BRAF: variants seen among roughly 807,000 people sequenced by gnomAD.
The protein encoded by BRAF is B-Raf proto-oncogene, serine/threonine kinase, also known as serine/threonine-protein kinase B-raf.
Under a neutral mutation model 104.6 loss-of-function variants are expected in BRAF, and 16 were observed. The ratio of observed to expected loss-of-function variants is 0.15; its 90% CI spans 0.10 to 0.23. The LOEUF (loss-of-function observed/expected upper bound fraction) is 0.23. BRAF is among the 10% of genes least tolerant of loss of function. The pLI, the probability that BRAF is intolerant of heterozygous loss-of-function variation, is 1.00. For missense variants in BRAF, 541 were observed against 937.3 expected (o/e 0.58, Z 5.52); for synonymous variants, 310 against 341.6 (o/e 0.91, Z 1.02).
chr7:140,735,073 G>C (rs1796298153), intron 18 of BRAF, among the ~76,000 whole-genome samples: 1 of 152,102 alleles, frequency 6.6e-6, no homozygotes, highest in Non-Finnish European at 1.5e-5. Flanking sequence ...TGTTAGTCTT[G>C]AAACAGTAAA....
chr7:140,787,062 G>A (rs1033977449), intron 9 of BRAF, among the ~76,000 whole-genome samples: 7 of 152,154 alleles, frequency 4.6e-5, no homozygotes, highest in Non-Finnish European at 8.8e-5. Context: ...AGCACTTTGG[G>A]AGGCCGAGGC....
intron 14 of BRAF, among the ~76,000 whole-genome samples, chr7:140,769,817 C>A (rs140516631): frequency 1.3e-5 from 2 of 152,118 alleles, no homozygotes; most frequent in Non-Finnish European, 2.9e-5. Context: ...TCAAGTGATC[C>A]TATTACCCTA....
At chr7:140,788,832 G>A (rs113202535) in intron 8 of BRAF, among the ~76,000 whole-genome samples, 67 of 151,892 alleles carry the variant, frequency 4.4e-4, no homozygotes, top group Non-Finnish European at 7.8e-4. Context: ...CAGGTGATCC[G>A]TCCACCTCAG....
intron 1 of BRAF, among the ~76,000 whole-genome samples, chr7:140,873,166 CTTTTT>C (rs1165344332): frequency 3.0e-5 from 3 of 99,144 alleles, no homozygotes; most frequent in African/African-American, 4.4e-5. Context: ...CAGTCTGTGG[CTTTTT>C]TTTTTTTTTT....
chr7:140,767,929 T>G (rs1442531332), intron 14 of BRAF, among the ~76,000 whole-genome samples: 1 of 152,144 alleles, frequency 6.6e-6, no homozygotes, highest in Non-Finnish European at 1.5e-5. Flanking sequence ...CTAAATACAT[T>G]ACAGTATATT....
At chr7:140,846,901 A>G (rs6464107) in intron 2 of BRAF, among the ~76,000 whole-genome samples, 14,287 of 152,122 alleles carry the variant, frequency 0.094, 2,144 homozygotes, top group African/African-American at 0.32. Context: ...CACGCCTATA[A>G]TCCTAGCACT....
At chr7:140,734,300 C>CTACT in intron 19 of BRAF, 9 of 1,237,172 alleles carry the variant, frequency 7.3e-6, no homozygotes, top group Non-Finnish European at 9.2e-6. Context: ...CTGAAGTTTA[C>CTACT]TACTTAAAAT....
Position 140,721,842 on chromosome 7 carries a change from C to T in BRAF, c.*4652G>A, listed in dbSNP as rs1051747803. On this transcript the variant is annotated 3_prime_UTR_variant, in exon 20 of 20. Coordinates refer to ENST00000644969, the MANE Select transcript of BRAF (RefSeq NM_001374258.1). ...GATGCCTTGAGACCTCCACCCTGGC[C>T]CCCACAGCGCTTTGGGACAGGATGA... 88 of 1,335,676 alleles carry T rather than the reference C, an allele frequency of 6.6e-5. No homozygotes were observed. The South Asian group carries it at 1.8e-3, about 27-fold the overall frequency. 82.7% of individuals were successfully genotyped at this position (1,335,676 alleles called of 1,614,324 possible). A position where few individuals can be genotyped will look rare whatever the true frequency, so the allele number is the denominator to read the frequency against.
intron 3 of BRAF, chr7:140,824,096 C>T (rs909674215): frequency 5.9e-5 from 9 of 152,138 alleles, no homozygotes; most frequent in African/African-American, 1.9e-4. Flanking sequence ...TCCAGGTTGG[C>T]TTTTCACTCT....
At chr7:140,717,294 T>C (rs892369514), downstream of BRAF, among the ~76,000 whole-genome samples, 1 of 152,114 alleles carries the variant, frequency 6.6e-6, no homozygotes, top group African/African-American at 2.4e-5. Context: ...TTTTTTTTTT[T>C]CTCTGAAACA....
chr7:140,868,023 C>A (rs10275204), intron 1 of BRAF, among the ~76,000 whole-genome samples: 259 of 152,306 alleles, frequency 1.7e-3, no homozygotes, highest in African/African-American at 6.1e-3. Context: ...TCTATGAGAA[C>A]ATGCCTGGAC....
intron 3 of BRAF, among the ~76,000 whole-genome samples, chr7:140,826,079 TCTTC>T (rs943644038): frequency 3.7e-4 from 56 of 152,324 alleles, no homozygotes; most frequent in African/African-American, 1.2e-3. Flanking sequence ...TAACTCTCTT[TCTTC>T]ACTTTCCAGA....
intron 1 of BRAF, among the ~76,000 whole-genome samples, chr7:140,923,990 A>C (rs1818556162): frequency 6.6e-6 from 1 of 152,168 alleles, no homozygotes; most frequent in Non-Finnish European, 1.5e-5. Context: ...AAAAGTAAAG[A>C]CTAAATCAAA....
chr7:140,747,030 T>C (rs1314142622), intron 17 of BRAF, among the ~76,000 whole-genome samples: 2 of 152,068 alleles, frequency 1.3e-5, no homozygotes, highest in African/African-American at 4.8e-5. Context: ...TAGTAAAGAA[T>C]ATTCCTGGAT....
chr7:140,845,206 C>T (rs1006723903), intron 2 of BRAF, among the ~76,000 whole-genome samples: 1 of 152,076 alleles, frequency 6.6e-6, no homozygotes, highest in African/African-American at 2.4e-5. Context: ...TGCAAAAGAA[C>T]GAAGTTGGAC....
At position 140,721,639 on chromosome 7, in the gene BRAF, AC is replaced by A. The variant is rs1795330420; in HGVS notation, c.*4854del. ...CATCACCTGAGGCAGAGATGCTACT[AC>A]CCTCTTCTGGGGCTCAACTACCGAT... On this transcript the variant is annotated 3_prime_UTR_variant, in exon 20 of 20. Coordinates refer to ENST00000644969, the MANE Select transcript of BRAF (RefSeq NM_001374258.1). 6.5e-7 allele frequency: 1 copy of A among 1,535,682 alleles called. No individual in the cohort carries two copies. The highest frequency in any genetic ancestry group is 1.2e-5 in the South Asian group (1 of 83,924).
chr7:140,722,954 C>T lies in BRAF; in HGVS notation c.*3540G>A, dbSNP rs937130245. 1.2e-5 allele frequency: 13 copies of T among 1,054,322 alleles called. No homozygotes were observed. The African/African-American group carries it at 2.2e-4, about 17-fold the overall frequency. The allele number at this position is 1,054,322 out of a possible 1,614,324, so 65.3% of individuals were successfully genotyped here. ...CTTAAATGTATAATGCCCTTTAGGA[C>T]AAAATGAGAGTGCTCAAATACAAGT... On this transcript the variant is annotated 3_prime_UTR_variant, in exon 20 of 20. Coordinates refer to ENST00000644969, the MANE Select transcript of BRAF (RefSeq NM_001374258.1).
At chr7:140,795,718 G>A (rs967946828) in intron 7 of BRAF, among the ~76,000 whole-genome samples, 1 of 152,086 alleles carries the variant, frequency 6.6e-6, no homozygotes, top group South Asian at 2.1e-4. Flanking sequence ...TTGACTTCAT[G>A]TGTTTATATT....
intron 1 of BRAF, among the ~76,000 whole-genome samples, chr7:140,880,125 T>C (rs1028080941): frequency 1.8e-4 from 27 of 152,206 alleles, no homozygotes; most frequent in African/African-American, 6.5e-4. Flanking sequence ...TATGGTCTGA[T>C]AGCATCTGAA....
Sources: allele counts gnomAD v4.1 joint callset (sites outside exome capture counted in the v4.1 genomes callset), GRCh38; gene constraint gnomAD v4.1.1; transcripts MANE v1.5; gene names NCBI Gene and HGNC (gene_info 2026-07-23, HGNC 2026-07-21).